Variants in HHAT observed in about 807,000 individuals in gnomAD.
HHAT encodes protein-cysteine N-palmitoyltransferase HHAT.
In HHAT, 47 loss-of-function variants were observed where a neutral mutation model predicts 70.8. The ratio of observed to expected loss-of-function variants is 0.66; its 90% CI spans 0.53 to 0.85. The LOEUF (loss-of-function observed/expected upper bound fraction) is 0.85, where lower values mean the gene tolerates loss of function less well. Among genes scored for constraint, HHAT ranks in the 40% least tolerant of loss-of-function variants. HHAT has a pLI of 0.00. For synonymous variants in HHAT, 228 were observed against 247.6 expected, an observed-to-expected ratio of 0.92 and a Z score of 0.74; for missense variants, 609 against 604.8, an observed-to-expected ratio of 1.01 and a Z score of -0.07.
intron 7 of HHAT, among the ~76,000 whole-genome samples, chr1:210,456,156 A>G (rs1437981631): frequency 1.3e-5 from 2 of 152,196 alleles, no homozygotes; most frequent in Admixed American, 6.5e-5. Flanking sequence ...GCAGAAAGGA[A>G]TTATGCAGCC....
intron 10 of HHAT, among the ~76,000 whole-genome samples, chr1:210,619,474 T>A (rs1668415123): frequency 1.3e-5 from 2 of 152,102 alleles, no homozygotes; most frequent in Non-Finnish European, 2.9e-5. Context: ...TGGGATGCAT[T>A]TCTCTGGGTC....
At chr1:210,514,599 C>T (rs763734429) in intron 9 of HHAT, among the ~76,000 whole-genome samples, 5 of 152,030 alleles carry the variant, frequency 3.3e-5, no homozygotes, top group Admixed American at 1.3e-4. Context: ...TTGAGGTCAG[C>T]GATCATGTCT....
intron 2 of HHAT, among the ~76,000 whole-genome samples, chr1:210,361,886 A>G (rs780096929): frequency 3.3e-5 from 5 of 152,102 alleles, no homozygotes; most frequent in African/African-American, 4.8e-5. Context: ...CACAGACCTC[A>G]GCATCGGCTC....
intron 6 of HHAT, among the ~76,000 whole-genome samples, chr1:210,410,818 G>A (rs2092526316): frequency 1.3e-5 from 2 of 152,174 alleles, no homozygotes; most frequent in Admixed American, 1.3e-4. Flanking sequence ...GAGCCACCAT[G>A]CCTGGCTTAT....
chr1:210,360,187 G>A (rs2088119179), intron 2 of HHAT, among the ~76,000 whole-genome samples: 1 of 152,284 alleles, frequency 6.6e-6, no homozygotes, highest in South Asian at 2.1e-4. Context: ...TTCCAAACAG[G>A]TCATGAATGG....
intron 11 of HHAT, among the ~76,000 whole-genome samples, chr1:210,634,146 A>C (rs752251890): frequency 2.0e-5 from 3 of 152,166 alleles, no homozygotes; most frequent in African/African-American, 7.2e-5. Flanking sequence ...GGCAATGTCT[A>C]AGAGAGTTTA....
intron 9 of HHAT, among the ~76,000 whole-genome samples, chr1:210,523,418 AAC>A (rs2095191910): frequency 6.6e-6 from 1 of 152,062 alleles, no homozygotes; most frequent in Admixed American, 6.5e-5. Flanking sequence ...CTACCTCGAT[AAC>A]ACTGCCTCCC....
intron 7 of HHAT, among the ~76,000 whole-genome samples, chr1:210,463,362 A>G (rs183369560): frequency 3.2e-4 from 49 of 152,292 alleles, no homozygotes; most frequent in Non-Finnish European, 6.3e-4. Context: ...CTTTGTCTCT[A>G]TAGATTTCCC....
intron 2 of HHAT, among the ~76,000 whole-genome samples, chr1:210,353,840 A>T (rs182735829): frequency 6.6e-6 from 1 of 151,482 alleles, no homozygotes; most frequent in Admixed American, 6.6e-5. Context: ...CCCTTATCTC[A>T]TTATTTCCTT....
In HHAT at chr1:210,348,951, T is replaced by C; in HGVS notation, c.-25T>C. Reference sequence around the variant, plus strand: ...TTCTCAGAAACTCTCAGCGTAGGCATCGGGAACCTTCGTGCCAAGGAGCCA... The same window carrying C: ...TTCTCAGAAACTCTCAGCGTAGGCACCGGGAACCTTCGTGCCAAGGAGCCA... On this transcript the variant is annotated 5_prime_UTR_variant, in exon 2 of 12. Coordinates refer to ENST00000261458, the MANE Select transcript of HHAT (RefSeq NM_018194.6). 2 of 1,611,978 alleles carry C rather than the reference T, an allele frequency of 1.2e-6. No individual in the cohort carries two copies. The highest frequency in any genetic ancestry group is 1.7e-6 in the Non-Finnish European group (2 of 1,179,448).
chr1:210,591,384 T>C (rs1259947888), intron 10 of HHAT, among the ~76,000 whole-genome samples: 2 of 152,156 alleles, frequency 1.3e-5, no homozygotes, highest in African/African-American at 4.8e-5. Flanking sequence ...TAGGCCCTCA[T>C]CCTTTTTTAT....
chr1:210,585,425 T>C (rs1456361038), intron 9 of HHAT, among the ~76,000 whole-genome samples: 1 of 152,164 alleles, frequency 6.6e-6, no homozygotes, highest in Non-Finnish European at 1.5e-5. Flanking sequence ...CTGGACTCTT[T>C]TTTTTGAGAC....
chr1:210,404,607 G>T lies in HHAT; in HGVS notation c.612G>T (p.Met204Ile). The T allele has an allele frequency of 6.2e-7, 1 of 1,614,156 alleles. No individual in the cohort carries two copies. Among genetic ancestry groups the T allele is most frequent in the Non-Finnish European group, 8.5e-7 (1 of 1,180,032 alleles). ...CGACCTCCTACTCCTTTCCCTGGAT[G>T]CTGGCCTATGTCTTTTATTATCCAG... ...AASTSYSFPWMLAYVFYYPVL... is the reference protein window; with the variant it reads ...AASTSYSFPWILAYVFYYPVL... The change falls in exon 6 of 12, where the codon ATG becomes ATT. Residue 204 changes from methionine (M) to isoleucine (I), a missense_variant. Coordinates refer to ENST00000261458, the MANE Select transcript of HHAT (RefSeq NM_018194.6).
At chr1:210,374,168 C>G (rs114273656) in intron 3 of HHAT, 4 of 152,148 alleles carry the variant, frequency 2.6e-5, no homozygotes, top group African/African-American at 4.8e-5. Flanking sequence ...CTCCCCAGGG[C>G]AAGGCTTACA....
At chr1:210,509,302 C>G (rs1250547876) in intron 8 of HHAT, among the ~76,000 whole-genome samples, 1 of 152,164 alleles carries the variant, frequency 6.6e-6, no homozygotes, top group African/African-American at 2.4e-5. Flanking sequence ...TTATGAGTGT[C>G]TCATTGGTGC....
chr1:210,349,454 G>A (rs2086816577), intron 2 of HHAT, among the ~76,000 whole-genome samples: 1 of 152,076 alleles, frequency 6.6e-6, no homozygotes, highest in Non-Finnish European at 1.5e-5. Flanking sequence ...CTTTGTCTGA[G>A]TGTTGGAGAT....
intron 1 of HHAT, among the ~76,000 whole-genome samples, chr1:210,340,809 T>C (rs1890303): frequency 0.28 from 42,389 of 152,072 alleles, 6,773 homozygotes; most frequent in African/African-American, 0.45. Flanking sequence ...ATTGATTTCA[T>C]TATAGATTTT....
At chr1:210,631,449 C>T (rs1277104263) in intron 11 of HHAT, among the ~76,000 whole-genome samples, 1 of 152,242 alleles carries the variant, frequency 6.6e-6, no homozygotes, top group East Asian at 1.9e-4. Context: ...GTCTACACAC[C>T]TACAACTCTT....
chr1:210,374,107 T>G (rs573152280), intron 3 of HHAT: 1 of 149,628 alleles, frequency 6.7e-6, no homozygotes, highest in East Asian at 2.0e-4. Flanking sequence ...AGCCTAAAGT[T>G]GCACCATAAT....
Sources: allele counts gnomAD v4.1 joint callset (sites outside exome capture counted in the v4.1 genomes callset), GRCh38; gene constraint gnomAD v4.1.1; transcripts MANE v1.5; gene names NCBI Gene and HGNC (gene_info 2026-07-23, HGNC 2026-07-21).